ACTR3C: variants seen among roughly 807,000 people sequenced by gnomAD.
ACTR3C encodes the protein actin-related protein 3C.
A neutral mutation model predicts 26.3 loss-of-function variants in ACTR3C; 18 were observed. The ratio of observed to expected loss-of-function variants is 0.68; its 90% CI spans 0.47 to 1.01. The LOEUF is 1.01. Among genes scored for constraint, ACTR3C ranks in the 50% least tolerant of loss-of-function variants. ACTR3C has a pLI of 0.00. For synonymous variants in ACTR3C, 55 were observed against 94.5 expected, an observed-to-expected ratio of 0.58 and a Z score of 2.42; for missense variants, 184 against 250.7, an observed-to-expected ratio of 0.73 and a Z score of 1.80.
At chr7:150,019,721 A>G in the ACTR3C span, among the ~76,000 whole-genome samples, 3 of 151,840 alleles carry the variant, frequency 2.0e-5, no homozygotes, top group African/African-American at 7.3e-5. Flanking sequence ...AGTTGTCACA[A>G]TGAATCCTAG....
the ACTR3C span, among the ~76,000 whole-genome samples, chr7:150,161,221 TA>T: frequency 8.0e-6 from 1 of 125,640 alleles, no homozygotes; most frequent in Non-Finnish European, 1.6e-5. Flanking sequence ...TATATATATA[TA>T]TATTTATTAT....
At chr7:150,197,845 T>TCCCTCTC in the ACTR3C span, among the ~76,000 whole-genome samples, 75 of 148,658 alleles carry the variant, frequency 5.0e-4, no homozygotes, top group Middle Eastern at 3.4e-3. Context: ...TTTAACATAG[T>TCCCTCTC]CCCTCTCCCC....
chr7:150,292,563 C>T lies in ACTR3C; in HGVS notation c.153+749G>A, dbSNP rs536619391. On this transcript the variant is annotated intron_variant, in intron 3 of 7. Coordinates refer to ENST00000683684, the MANE Select transcript of ACTR3C (RefSeq NM_001164458.2). ...GTTGCCCAGCTGGGGTGCAATGGCG[C>T]GATCTCGGCTCACTGCAACCTCCAT... Among the ~76,000 whole-genome samples, 62 of 148,432 alleles carry T rather than the reference C, an allele frequency of 4.2e-4. No individual in the cohort carries two copies. The East Asian group carries it at 8.5e-3, about 20-fold the overall frequency.
chr7:150,225,041 G>GTA, the ACTR3C span, among the ~76,000 whole-genome samples: 2 of 150,010 alleles, frequency 1.3e-5, no homozygotes, highest in Non-Finnish European at 1.5e-5. Flanking sequence ...GTGTGTGTGT[G>GTA]TGTGTTTGCC....
downstream of ACTR3C, among the ~76,000 whole-genome samples, chr7:150,240,290 G>A (rs1052362119): frequency 7.2e-5 from 11 of 152,218 alleles, no homozygotes; most frequent in South Asian, 8.3e-4. Flanking sequence ...TCTTGTTCCC[G>A]AGCTTTTTAA....
At chr7:150,119,827 A>T in the ACTR3C span, among the ~76,000 whole-genome samples, 1 of 152,186 alleles carries the variant, frequency 6.6e-6, no homozygotes, top group Admixed American at 6.5e-5. Context: ...TGATCACATA[A>T]TTGGAAGTAA....
At chr7:150,184,118 C>T in the ACTR3C span, among the ~76,000 whole-genome samples, 4 of 150,740 alleles carry the variant, frequency 2.7e-5, no homozygotes, top group South Asian at 6.2e-4. Context: ...CTAATACACA[C>T]TATTTCTTGC....
chr7:150,132,698 T>C, the ACTR3C span, among the ~76,000 whole-genome samples: 1 of 152,166 alleles, frequency 6.6e-6, no homozygotes, highest in East Asian at 1.9e-4. Context: ...AAGAGCAGGC[T>C]CAAAGAACTA....
chr7:150,255,702 G>C lies in ACTR3C; in HGVS notation c.565-6648C>G, dbSNP rs557156012. ...TGGAATGATCGTTTGCCAACAGCAA[G>C]AGAGAAGTATTTTCACCTTATAGTA... On this transcript the variant is annotated intron_variant, in intron 6 of 7. Transcript: ENST00000683684. 4.5e-4 allele frequency among the ~76,000 whole-genome samples: 69 copies of C among 152,280 alleles called. 1 individual carries two copies. Among genetic ancestry groups the C allele is most frequent in the African/African-American group, 1.6e-3 (66 of 41,542 alleles).
the ACTR3C span, among the ~76,000 whole-genome samples, chr7:150,149,730 TA>T: frequency 6.6e-6 from 1 of 152,144 alleles, no homozygotes; most frequent in Admixed American, 6.5e-5. Flanking sequence ...CTAGTGTTTT[TA>T]AATGCAATAC....
chr7:150,149,433 G>A, the ACTR3C span, among the ~76,000 whole-genome samples: 2 of 151,492 alleles, frequency 1.3e-5, no homozygotes, highest in East Asian at 3.9e-4. Context: ...CCATGTTGGT[G>A]TACTGCACTC....
At chr7:150,312,666 T>C (rs1487190012) in intron 1 of ACTR3C, among the ~76,000 whole-genome samples, 1 of 152,234 alleles carries the variant, frequency 6.6e-6, no homozygotes. Flanking sequence ...TAACTCATTA[T>C]AAAATTTTCT....
At chr7:150,213,316 C>T in the ACTR3C span, among the ~76,000 whole-genome samples, 9,536 of 152,060 alleles carry the variant, frequency 0.063, 917 homozygotes, top group African/African-American at 0.21. Flanking sequence ...ACTGGTGAAA[C>T]GCCGTAAGCC....
the ACTR3C span, among the ~76,000 whole-genome samples, chr7:149,995,799 G>A: frequency 2.0e-5 from 3 of 152,284 alleles, no homozygotes; most frequent in African/African-American, 7.2e-5. Context: ...CTCCGTGAGG[G>A]GCACCGTTGG....
the ACTR3C span, among the ~76,000 whole-genome samples, chr7:149,941,909 G>A: frequency 1.3e-5 from 2 of 152,136 alleles, no homozygotes; most frequent in South Asian, 2.1e-4. Flanking sequence ...AGGACACTGT[G>A]CCCACAGCCC....
At chr7:150,196,703 T>G in the ACTR3C span, among the ~76,000 whole-genome samples, 1 of 152,104 alleles carries the variant, frequency 6.6e-6, no homozygotes. Flanking sequence ...TTTTTCCTAC[T>G]CCTTGGCCTT....
At chr7:149,942,826 C>T in the ACTR3C span, among the ~76,000 whole-genome samples, 31,613 of 146,174 alleles carry the variant, frequency 0.22, 5,555 homozygotes, top group African/African-American at 0.49. Flanking sequence ...GCCGCCAACT[C>T]TGGACTTTTC....
At chr7:150,311,565 G>A (rs1468076612) in intron 1 of ACTR3C, among the ~76,000 whole-genome samples, 1 of 152,148 alleles carries the variant, frequency 6.6e-6, no homozygotes, top group African/African-American at 2.4e-5. Context: ...CCATGGGCCC[G>A]ATTTCAACCC....
intron 6 of ACTR3C, among the ~76,000 whole-genome samples, chr7:150,255,077 G>A (rs1833110333): frequency 6.6e-6 from 1 of 151,706 alleles, no homozygotes; most frequent in Admixed American, 6.6e-5. Flanking sequence ...TATTTTCCAG[G>A]AAAATTTTGA....
Sources: gnomAD v4.1 joint callset for allele counts (sites outside exome capture counted in the v4.1 genomes callset) on GRCh38, gnomAD v4.1.1 for gene constraint, MANE v1.5 for transcripts, NCBI Gene and HGNC (gene_info 2026-07-23, HGNC 2026-07-21) for gene names.